The following CCDC92 variants were observed in gnomAD, a reference collection of about 807,000 sequenced individuals.
CCDC92 encodes coiled-coil domain containing 92.
A neutral mutation model predicts 24.9 loss-of-function variants in CCDC92; 12 were observed. The ratio of observed to expected loss-of-function variants is 0.48; its 90% CI spans 0.31 to 0.78. The LOEUF (loss-of-function observed/expected upper bound fraction) is 0.78, where lower values mean the gene tolerates loss of function less well. Among genes scored for constraint, CCDC92 ranks in the 30% least tolerant of loss-of-function variants. The pLI, the probability that CCDC92 is intolerant of heterozygous loss-of-function variation, is 0.05. For synonymous variants in CCDC92, 193 were observed against 196.3 expected (o/e 0.98, Z 0.14); for missense variants, 399 against 439.4 (o/e 0.91, Z 0.82).
In CCDC92 at chr12:123,942,444, C is replaced by CTGA. The variant is rs550705735; in HGVS notation, c.223+297_223+299dup. Among the ~76,000 whole-genome samples, 3 of 152,200 alleles carry CTGA rather than the reference C, an allele frequency of 2.0e-5. No individual in the cohort carries two copies. The South Asian group carries it at 6.2e-4, about 32-fold the overall frequency. On this transcript the variant is annotated intron_variant, in intron 4 of 4. Coordinates refer to ENST00000238156, the MANE Select transcript of CCDC92 (RefSeq NM_025140.3). ...TTTAACTCACGTCTATTTTTATGTC[C>CTGA]TGATTACACAAGGAACACATGTTCA...
At position 123,937,974 on chromosome 12, in the gene CCDC92, G is replaced by A; in HGVS notation, c.224-144C>T. ...CAGAAGGCAGGGCTGTGGGGGCTCT[G>A]GAAAGACCCCTCCCCTCCCCGAGGT... On this transcript the variant is annotated intron_variant, in intron 4 of 4. Transcript: ENST00000238156. The surrounding 1 kb of genome is among the most constrained non-coding windows in gnomAD (Gnocchi z 8.4). The A allele has an allele frequency of 1.2e-6, 1 of 803,388 alleles. No individual in the cohort carries two copies. Among genetic ancestry groups the A allele is most frequent in the Non-Finnish European group, 1.9e-6 (1 of 514,888 alleles). The allele number at this position is 803,388 out of a possible 1,614,324, so 49.8% of individuals were successfully genotyped here. A position where few individuals can be genotyped will look rare whatever the true frequency, so the allele number is the denominator to read the frequency against.
intron 1 of CCDC92, among the ~76,000 whole-genome samples, chr12:123,967,652 T>A (rs147622071): frequency 6.6e-6 from 1 of 152,356 alleles, no homozygotes; most frequent in East Asian, 1.9e-4. Flanking sequence ...AGATGGAACT[T>A]TCTCTTGGGA....
rs1458646471 is a variant in CCDC92 at position 123,937,582 on chromosome 12, G to C, written c.472C>G (p.Leu158Val). Residue 158 changes from leucine (L) to valine (V), a missense_variant, in exon 5 of 5, where the codon CTG becomes GTG. Physicochemically the swap from Leu to Val is conservative, Grantham distance 32. Transcript: ENST00000238156. This position sits in a 1 kb window ranked among gnomAD's most constrained non-coding sequence, Gnocchi z 8.4. Reference sequence around the variant, plus strand: ...TTGGCGGCGTGCAGCTGGGAGGTCAGGTAGGCGATGGTGCTGGCCCGCTGC... The same window carrying C: ...TTGGCGGCGTGCAGCTGGGAGGTCACGTAGGCGATGGTGCTGGCCCGCTGC... ...LEQRASTIAY[L>V]TSQLHAAKKK... 2 of 1,613,248 alleles carry C rather than the reference G, an allele frequency of 1.2e-6. No homozygotes were observed. The highest frequency in any genetic ancestry group is 2.7e-5 in the African/African-American group (2 of 74,916).
At position 123,937,217 on chromosome 12, in the gene CCDC92, C is replaced by T. The variant is rs34241686; in HGVS notation, c.837G>A (p.Pro279=). 1,605 of 1,609,356 alleles carry T rather than the reference C, an allele frequency of 1.0e-3. 7 individuals carry two copies. The African/African-American group carries it at 0.016, about 16-fold the overall frequency. ...GGGCCTTGTGCGGCTTTTCGCGGGCCGGGCTGTGCTGCTCGCCGCTTCGGT... is the reference window on the plus strand; with the variant it reads ...GGGCCTTGTGCGGCTTTTCGCGGGCTGGGCTGTGCTGCTCGCCGCTTCGGT... ...ASDRSGEQHS[P]AREKPHKAHV... is the part of the protein sequence containing the mutation. Residue 279 remains proline (P), a synonymous_variant, in exon 5 of 5, where the codon CCG becomes CCA. Coordinates refer to ENST00000238156, the MANE Select transcript of CCDC92 (RefSeq NM_025140.3). This position sits in a 1 kb window ranked among gnomAD's most constrained non-coding sequence, Gnocchi z 8.4.
intron 1 of CCDC92, among the ~76,000 whole-genome samples, chr12:123,948,119 C>T (rs1955927784): frequency 6.6e-6 from 1 of 152,198 alleles, no homozygotes; most frequent in African/African-American, 2.4e-5. Flanking sequence ...CCTTTACAGG[C>T]ACACCTTGCT....
chr12:123,955,563 C>A (rs4765219), intron 1 of CCDC92, among the ~76,000 whole-genome samples: 47,886 of 152,072 alleles, frequency 0.31, 7,705 homozygotes, highest in Middle Eastern at 0.37. Flanking sequence ...AACTGATAGG[C>A]CTTCTTTTAT....
At chr12:123,951,451 CAG>C (rs761754134) in intron 1 of CCDC92, among the ~76,000 whole-genome samples, 10 of 152,292 alleles carry the variant, frequency 6.6e-5, no homozygotes, top group Middle Eastern at 3.4e-3. Context: ...CCTGTGGAAA[CAG>C]GGTAATAATT....
At chr12:123,954,193 T>A (rs1316539381) in intron 1 of CCDC92, among the ~76,000 whole-genome samples, 1 of 152,346 alleles carries the variant, frequency 6.6e-6, no homozygotes, top group East Asian at 1.9e-4. Context: ...AAAATTGTGA[T>A]TGGTTTACCA....
At chr12:123,943,942 A>G in intron 2 of CCDC92, 1 of 478,354 alleles carries the variant, frequency 2.1e-6, no homozygotes, top group Non-Finnish European at 3.7e-6. Flanking sequence ...ACTGTGACTG[A>G]CCAAATCACG....
chr12:123,942,744 C>A lies in CCDC92; in HGVS notation c.223G>T (p.Gly75Ter). ...ELTVKSSEQT[G>*]DGTSKSSELK... ...TTTACTTCTGGGGAGGAGTTCTTAC[C>A]TGTCTGTTCCGAACTTTTGACTGTC... The change falls in exon 4 of 5, where the codon GGA (glycine) becomes TGA (stop). Residue 75 changes from glycine to a stop codon, truncating the protein, a stop_gained and splice_region_variant. Transcript: ENST00000238156. LOFTEE classifies it high-confidence loss of function. 1 of 1,609,312 alleles carries A rather than the reference C, an allele frequency of 6.2e-7. No individual in the cohort carries two copies. Among genetic ancestry groups the A allele is most frequent in the Non-Finnish European group, 8.5e-7 (1 of 1,175,516 alleles).
intron 1 of CCDC92, among the ~76,000 whole-genome samples, chr12:123,950,816 T>C (rs1160415999): frequency 1.3e-5 from 2 of 152,226 alleles, no homozygotes; most frequent in Admixed American, 1.3e-4. Context: ...TCCTTTAGTG[T>C]CTCTCCTGTG....
rs540695740 is a variant in CCDC92, at chr12:123,964,389, G to A, written c.-60+8140C>T. On this transcript the variant is annotated intron_variant, in intron 1 of 4. Transcript: ENST00000238156. ...TATTTTTGTGAATTTGGGGGTATAA[G>A]AGAAGGTTATGTCTTCTATATGGGG... is the stretch of plus-strand genomic sequence containing the variant. Among the ~76,000 whole-genome samples, 105 of 149,812 alleles carry A rather than the reference G, an allele frequency of 7.0e-4. 1 individual carries two copies. The highest frequency in any genetic ancestry group is 2.3e-3 in the African/African-American group (95 of 40,576).
chr12:123,965,670 C>A (rs1444224281), intron 1 of CCDC92, among the ~76,000 whole-genome samples: 9 of 152,204 alleles, frequency 5.9e-5, no homozygotes, highest in Admixed American at 6.5e-5. Context: ...CTAGATCAGG[C>A]CCCACATCGT....
At position 123,970,834 on chromosome 12, in the gene CCDC92, A is replaced by T. The variant is rs183545436; in HGVS notation, c.-60+1695T>A. ...GAGAAAATGCTTTTTTAACATAAGT[A>T]TTTTTTAAAAGCATCAACATTTTAT... On this transcript the variant is annotated intron_variant, in intron 1 of 4. Coordinates refer to ENST00000238156, the MANE Select transcript of CCDC92 (RefSeq NM_025140.3). 3.1e-3 allele frequency among the ~76,000 whole-genome samples: 472 copies of T among 152,354 alleles called. 3 individuals carry two copies. The highest frequency in any genetic ancestry group is 5.4e-3 in the Non-Finnish European group (368 of 68,024).
At chr12:123,965,517 C>A (rs1262487400) in intron 1 of CCDC92, among the ~76,000 whole-genome samples, 1 of 152,078 alleles carries the variant, frequency 6.6e-6, no homozygotes, top group African/African-American at 2.4e-5. Context: ...TTACATTTCT[C>A]ACGGCCCTCA....
intron 1 of CCDC92, chr12:123,944,618 T>C (rs538818695): frequency 3.7e-4 from 114 of 305,468 alleles, no homozygotes; most frequent in African/African-American, 2.2e-3. Flanking sequence ...GTGACATGCA[T>C]GCACACTAGC....
intron 1 of CCDC92, among the ~76,000 whole-genome samples, chr12:123,965,245 T>C (rs1284867271): frequency 6.6e-6 from 1 of 152,204 alleles, no homozygotes; most frequent in Non-Finnish European, 1.5e-5. Context: ...CATCGAGATA[T>C]AGTGAGGTCT....
intron 4 of CCDC92, among the ~76,000 whole-genome samples, chr12:123,942,143 G>C (rs1363348559): frequency 6.6e-6 from 1 of 152,214 alleles, no homozygotes; most frequent in Non-Finnish European, 1.5e-5. Context: ...AGGGCCCTGG[G>C]AAGGCCTGGG....
chr12:123,965,122 C>T (rs1004266665), intron 1 of CCDC92, among the ~76,000 whole-genome samples: 1 of 152,008 alleles, frequency 6.6e-6, no homozygotes, highest in Admixed American at 6.6e-5. Flanking sequence ...AATCAATTGA[C>T]GTATTAGGAC....
Sources: gnomAD v4.1 joint callset for allele counts (sites outside exome capture counted in the v4.1 genomes callset) on GRCh38, gnomAD v4.1.1 for gene constraint, Gnocchi (gnomAD v3.1) non-coding constraint, MANE v1.5 for transcripts, NCBI Gene and HGNC (gene_info 2026-07-23, HGNC 2026-07-21) for gene names.